Variants in GPR158 observed in about 807,000 individuals in gnomAD.
GPR158 encodes the protein G protein-coupled receptor 158.
GPR158 carries 30 observed loss-of-function variants against 78.2 expected under a neutral mutation model. The observed-to-expected ratio is 0.38, with a 90% confidence interval of 0.29 to 0.52. GPR158 has a LOEUF of 0.52. Among genes scored for constraint, GPR158 ranks in the 20% least tolerant of loss-of-function variants. GPR158 has a pLI of 0.83. For missense variants in GPR158, 1,463 were observed against 1,523.5 expected (o/e 0.96, Z 0.66); for synonymous variants, 581 against 591.1 (o/e 0.98, Z 0.25).
chr10:25,500,065 G>A (rs961317357), intron 5 of GPR158, among the ~76,000 whole-genome samples: 13 of 152,298 alleles, frequency 8.5e-5, no homozygotes, highest in East Asian at 5.8e-4. Flanking sequence ...CATTTGTCTC[G>A]TAAGATCAGA....
At chr10:25,200,863 GTTTTGTTTTTTT>G (rs1400709030) in intron 1 of GPR158, among the ~76,000 whole-genome samples, 1 of 84,504 alleles carries the variant, frequency 1.2e-5, no homozygotes, top group African/African-American at 4.5e-5. Flanking sequence ...TCTGTTTTTT[GTTTTGTTTTTTT>G]TTTTTTTTTT....
intron 2 of GPR158, among the ~76,000 whole-genome samples, chr10:25,320,542 G>A (rs373543156): frequency 6.6e-6 from 1 of 152,198 alleles, no homozygotes; most frequent in East Asian, 1.9e-4. Context: ...GGCAATTGCA[G>A]TGCCTAATAC....
chr10:25,586,071 G>C (rs1325909917), intron 7 of GPR158, among the ~76,000 whole-genome samples: 1 of 152,178 alleles, frequency 6.6e-6, no homozygotes, highest in Admixed American at 6.5e-5. Flanking sequence ...GGAGTACTGA[G>C]ACGTCGTGTT....
chr10:25,369,856 G>A (rs1833960136), intron 2 of GPR158, among the ~76,000 whole-genome samples: 3 of 152,006 alleles, frequency 2.0e-5, no homozygotes, highest in South Asian at 2.1e-4. Flanking sequence ...TCCTGTTATT[G>A]GTCTATTCAG....
rs1401589782 is a variant in GPR158, at chr10:25,374,615, ATT to A, written c.1009-21292_1009-21291del. ...CATTAATTTCTTCTCTGCTTCTAAA[ATT>A]TTTAAATTTAGAGTGTTGTCTAAAT... is the stretch of plus-strand genomic sequence containing the variant. On this transcript the variant is annotated intron_variant, in intron 2 of 10. Transcript: ENST00000376351. Among the ~76,000 whole-genome samples the A allele has an allele frequency of 4.0e-5, 6 of 151,876 alleles. No homozygotes were observed. The South Asian group carries it at 1.2e-3, about 31-fold the overall frequency.
At chr10:25,359,078 A>G (rs745583815) in intron 2 of GPR158, among the ~76,000 whole-genome samples, 3 of 151,872 alleles carry the variant, frequency 2.0e-5, no homozygotes, top group Non-Finnish European at 4.4e-5. Context: ...TCTTGTTATC[A>G]TTGATAAATT....
intron 1 of GPR158, among the ~76,000 whole-genome samples, chr10:25,197,365 A>C (rs1852857209): frequency 6.6e-6 from 1 of 152,170 alleles, no homozygotes; most frequent in Admixed American, 6.5e-5. Flanking sequence ...AGTCATATAC[A>C]GTTTCAATGA....
intron 3 of GPR158, among the ~76,000 whole-genome samples, chr10:25,401,524 A>G (rs553325997): frequency 6.6e-6 from 1 of 152,234 alleles, no homozygotes; most frequent in African/African-American, 2.4e-5. Flanking sequence ...GTGGACTGAG[A>G]TATAACACTT....
chr10:25,292,284 A>G (rs1854450355), intron 2 of GPR158, among the ~76,000 whole-genome samples: 1 of 152,120 alleles, frequency 6.6e-6, no homozygotes, highest in African/African-American at 2.4e-5. Context: ...TTTTTAATGA[A>G]TCAGTTTTCT....
chr10:25,573,938 T>C (rs1015448037), intron 7 of GPR158, among the ~76,000 whole-genome samples: 2 of 151,978 alleles, frequency 1.3e-5, no homozygotes, highest in African/African-American at 4.8e-5. Flanking sequence ...TTTTGGGTAA[T>C]ATAACAGAAG....
At chr10:25,306,983 T>TAA (rs1854685564) in intron 2 of GPR158, among the ~76,000 whole-genome samples, 1 of 140,330 alleles carries the variant, frequency 7.1e-6, no homozygotes, top group African/African-American at 2.5e-5. Flanking sequence ...GGGGAGAGAG[T>TAA]CACACACACA....
intron 2 of GPR158, among the ~76,000 whole-genome samples, chr10:25,317,831 C>T (rs139335287): frequency 0.027 from 4,086 of 151,480 alleles, 189 homozygotes; most frequent in African/African-American, 0.094. Flanking sequence ...TAGGTTCAAG[C>T]GATTCTTCTG....
chr10:25,279,139 A>C (rs1854229384), intron 2 of GPR158, among the ~76,000 whole-genome samples: 1 of 152,130 alleles, frequency 6.6e-6, no homozygotes, highest in African/African-American at 2.4e-5. Flanking sequence ...GGTAAATGAC[A>C]ACACTACTAC....
chr10:25,360,300 G>A (rs1393886659), intron 2 of GPR158, among the ~76,000 whole-genome samples: 3 of 152,124 alleles, frequency 2.0e-5, no homozygotes, highest in African/African-American at 7.2e-5. Context: ...ATTGCTTTTG[G>A]TGTTTTAGTC....
intron 3 of GPR158, among the ~76,000 whole-genome samples, chr10:25,398,673 G>A (rs1053052767): frequency 1.3e-5 from 2 of 151,960 alleles, no homozygotes; most frequent in Non-Finnish European, 2.9e-5. Context: ...TTTCTTACTG[G>A]ACCTACACTC....
intron 2 of GPR158, among the ~76,000 whole-genome samples, chr10:25,241,480 G>A (rs1822911188): frequency 6.6e-6 from 1 of 150,376 alleles, no homozygotes; most frequent in Non-Finnish European, 1.5e-5. Context: ...GAGCACAGTG[G>A]TGTGATCTCG....
Position 25,370,092 on chromosome 10 carries a change from A to G in GPR158, c.1009-25819A>G, listed in dbSNP as rs925625683. The stretch of plus-strand genomic sequence containing the variant: ...TATTAGTCTTGCTAGCGGTCTATCA[A>G]TTTTGTTGATCTTTTCAAAAAACCA... On this transcript the variant is annotated intron_variant, in intron 2 of 10. Transcript: ENST00000376351. Among the ~76,000 whole-genome samples the G allele has an allele frequency of 6.1e-5, 9 of 146,634 alleles. No individual in the cohort carries two copies. The South Asian group carries it at 1.1e-3, about 19-fold the overall frequency.
At chr10:25,292,022 C>T (rs541824637) in intron 2 of GPR158, among the ~76,000 whole-genome samples, 5 of 152,070 alleles carry the variant, frequency 3.3e-5, no homozygotes, top group African/African-American at 9.6e-5. Context: ...ATAAACTTGG[C>T]CCCGGCAGTT....
chr10:25,418,027 C>A (rs1834687221), intron 4 of GPR158, among the ~76,000 whole-genome samples: 1 of 152,054 alleles, frequency 6.6e-6, no homozygotes, highest in Admixed American at 6.6e-5. Flanking sequence ...ATTGACAAAT[C>A]CAAGATAGGA....
Sources: gnomAD v4.1 joint callset for allele counts (sites outside exome capture counted in the v4.1 genomes callset) on GRCh38, gnomAD v4.1.1 for gene constraint, MANE v1.5 for transcripts, NCBI Gene and HGNC (gene_info 2026-07-23, HGNC 2026-07-21) for gene names.